The following FRK variants were observed in gnomAD, a reference collection of about 807,000 sequenced individuals.
FRK encodes the protein tyrosine-protein kinase FRK.
In FRK, 51 loss-of-function variants were observed where a neutral mutation model predicts 56.4. The ratio of observed to expected loss-of-function variants is 0.90; its 90% CI spans 0.72 to 1.14. The LOEUF (loss-of-function observed/expected upper bound fraction) is 1.14. Among genes scored for constraint, FRK ranks in the 50% most tolerant of loss-of-function variants. The probability of loss-of-function intolerance (pLI) is 0.00; values close to 1 mark genes in which losing one functional copy is unlikely to be tolerated. For synonymous variants in FRK, 245 were observed against 217.9 expected, an observed-to-expected ratio of 1.12 and a Z score of -1.10; for missense variants, 570 against 601.4, an observed-to-expected ratio of 0.95 and a Z score of 0.55.
intron 2 of FRK, among the ~76,000 whole-genome samples, chr6:116,000,353 G>A (rs571233154): frequency 2.2e-4 from 32 of 144,598 alleles, no homozygotes; most frequent in Middle Eastern, 3.6e-3. Context: ...AGCAATTCTC[G>A]TGCCTCAGCC....
At position 115,953,180 on chromosome 6, in the gene FRK, A is replaced by ACTTTTTTTTTTTTTT. The variant is rs34026302; in HGVS notation, c.958+3271_958+3272insAAAAAAAAAAAAAAG. On this transcript the variant is annotated intron_variant, in intron 5 of 7. Transcript: ENST00000606080. ...AGAGTGGTACATCCATTTTAAGGCC[A>ACTTTTTTTTTTTTTT]TTTTTTTTTTTTTTTTTTTTTTTTT... 6.7e-5 allele frequency among the ~76,000 whole-genome samples: 7 copies of ACTTTTTTTTTTTTTT among 104,032 alleles called. 3 individuals are homozygous for ACTTTTTTTTTTTTTT. Among genetic ancestry groups the ACTTTTTTTTTTTTTT allele is most frequent in the Admixed American group, 1.2e-4 (1 of 8,162 alleles). The allele number at this position is 104,032 out of a possible 152,430, so 68.2% of individuals were successfully genotyped here.
intron 2 of FRK, among the ~76,000 whole-genome samples, chr6:115,969,214 A>G (rs1166525692): frequency 6.6e-6 from 1 of 152,192 alleles, no homozygotes; most frequent in East Asian, 1.9e-4. Context: ...CAGTGTGCTC[A>G]ATACCGTCTT....
intron 1 of FRK, among the ~76,000 whole-genome samples, chr6:116,051,617 C>T (rs1270078601): frequency 6.6e-6 from 1 of 152,072 alleles, no homozygotes; most frequent in Non-Finnish European, 1.5e-5. Context: ...AAGTTGCAGG[C>T]TTTAGGAAAA....
the FRK span, among the ~76,000 whole-genome samples, chr6:116,083,650 G>C: frequency 6.6e-6 from 1 of 152,052 alleles, no homozygotes; most frequent in South Asian, 2.1e-4. Context: ...AGTATTTCTC[G>C]AGTGGGACCC....
intron 2 of FRK, 147 bp downstream of exon 2, chr6:116,003,730 C>T: frequency 2.6e-6 from 2 of 773,448 alleles, no homozygotes; most frequent in Non-Finnish European, 4.0e-6. Context: ...TTTTATATTA[C>T]TCTTAAGTAG....
In FRK at chr6:115,934,087, A is replaced by G. The variant is rs1274478915; in HGVS notation, c.*8327T>C. Reference sequence around the variant, plus strand: ...CGCATGTATATATTTAGAGAGAGAGAAAGGAGGGAGATGAGGTGATGATGA... The same window carrying G: ...CGCATGTATATATTTAGAGAGAGAGGAAGGAGGGAGATGAGGTGATGATGA... On this transcript the variant is annotated 3_prime_UTR_variant, in exon 8 of 8. Transcript: ENST00000606080. 6.6e-6 allele frequency: 1 copy of G among 152,140 alleles called. No individual in the cohort carries two copies. The highest frequency in any genetic ancestry group is 6.6e-5 in the Admixed American group (1 of 15,264). The allele number at this position is 152,140 out of a possible 1,614,324, so 9.4% of individuals were successfully genotyped here. A position where few individuals can be genotyped will look rare whatever the true frequency, so the allele number is the denominator to read the frequency against.
chr6:115,994,794 G>T (rs1774772355), intron 2 of FRK, among the ~76,000 whole-genome samples: 1 of 152,032 alleles, frequency 6.6e-6, no homozygotes, highest in Non-Finnish European at 1.5e-5. Flanking sequence ...AGAGACCAAA[G>T]CCCTCTCTCT....
intron 1 of FRK, chr6:116,039,123 T>C: frequency 1.2e-6 from 1 of 856,146 alleles, no homozygotes; most frequent in Non-Finnish European, 2.0e-6. Context: ...CTCAGAGTAA[T>C]CGCTTGCACT....
chr6:116,053,066 C>G (rs1006640037), intron 1 of FRK, among the ~76,000 whole-genome samples: 1 of 152,102 alleles, frequency 6.6e-6, no homozygotes, highest in Non-Finnish European at 1.5e-5. Context: ...GTAATTTGCT[C>G]AGGCTCACAC....
At chr6:115,993,481 A>G (rs1470638202) in intron 2 of FRK, among the ~76,000 whole-genome samples, 1 of 151,782 alleles carries the variant, frequency 6.6e-6, no homozygotes, top group East Asian at 1.9e-4. Context: ...CCCTAGGTAT[A>G]AATGTTTTCA....
the FRK span, among the ~76,000 whole-genome samples, chr6:116,079,253 G>A: frequency 1.3e-5 from 2 of 151,410 alleles, no homozygotes; most frequent in Non-Finnish European, 1.5e-5. Flanking sequence ...TTTAATTTTT[G>A]CCAATCTGAT....
the FRK span, among the ~76,000 whole-genome samples, chr6:116,068,038 C>G: frequency 6.6e-6 from 1 of 152,148 alleles, no homozygotes; most frequent in African/African-American, 2.4e-5. Context: ...TGGGATTCTC[C>G]ATCTCTTTCA....
At chr6:116,099,387 C>G in the FRK span, among the ~76,000 whole-genome samples, 1 of 152,220 alleles carries the variant, frequency 6.6e-6, no homozygotes, top group East Asian at 1.9e-4. Flanking sequence ...TTCAATGTGG[C>G]ATGCACCTGG....
In FRK at chr6:116,024,218, T is replaced by C. The variant is rs950170414; in HGVS notation, c.345-20220A>G. Reference sequence around the variant, plus strand: ...ATCTGCTTTCCTGATAAGATACTTATGTTTTTATTTATTTATTTACTTATT... The same window carrying C: ...ATCTGCTTTCCTGATAAGATACTTACGTTTTTATTTATTTATTTACTTATT... On this transcript the variant is annotated intron_variant, in intron 1 of 7. Transcript: ENST00000606080. Among the ~76,000 whole-genome samples the C allele has an allele frequency of 3.3e-5, 5 of 152,244 alleles. No homozygotes were observed. The East Asian group carries it at 5.8e-4, about 18-fold the overall frequency.
the FRK span, among the ~76,000 whole-genome samples, chr6:116,096,240 C>A: frequency 2.0e-5 from 3 of 152,150 alleles, no homozygotes; most frequent in East Asian, 5.8e-4. Context: ...TTGCCCCTAT[C>A]CCACAGGAAG....
chr6:116,014,510 A>T (rs533969197), intron 1 of FRK, among the ~76,000 whole-genome samples: 1 of 152,100 alleles, frequency 6.6e-6, no homozygotes, highest in Non-Finnish European at 1.5e-5. Flanking sequence ...TGAAGAAACC[A>T]AAAAGGTATT....
At chr6:115,942,854 C>T (rs1772245539) in intron 7 of FRK, among the ~76,000 whole-genome samples, 166 bp downstream of exon 7, 1 of 152,112 alleles carries the variant, frequency 6.6e-6, no homozygotes, top group South Asian at 2.1e-4. Context: ...CAATAAACCA[C>T]CTCATTAATG....
At chr6:116,055,755 A>C (rs17077492) in intron 1 of FRK, among the ~76,000 whole-genome samples, 15,571 of 152,260 alleles carry the variant, frequency 0.1, 935 homozygotes, top group African/African-American at 0.17. Flanking sequence ...AATGGACTTA[A>C]GACAAAATTA....
intron 1 of FRK, among the ~76,000 whole-genome samples, chr6:116,049,700 G>C (rs940391406): frequency 2.6e-5 from 4 of 152,098 alleles, no homozygotes; most frequent in African/African-American, 9.7e-5. Flanking sequence ...GGTAATAAAA[G>C]CATCTGTCTC....
Sources: allele counts gnomAD v4.1 joint callset (sites outside exome capture counted in the v4.1 genomes callset), GRCh38; gene constraint gnomAD v4.1.1; transcripts MANE v1.5; gene names NCBI Gene and HGNC (gene_info 2026-07-23, HGNC 2026-07-21).